Variants in CRPPA observed in about 807,000 individuals in gnomAD.
The protein encoded by CRPPA is D-ribitol-5-phosphate cytidylyltransferase.
In CRPPA, 43 loss-of-function variants were observed where a neutral mutation model predicts 52.0. That is an observed-to-expected ratio of 0.83 (90% CI 0.65 to 1.07). The LOEUF is 1.07. CRPPA is among the 50% of genes least tolerant of loss of function. The probability of loss-of-function intolerance (pLI) is 0.00; values close to 1 mark genes in which losing one functional copy is unlikely to be tolerated. For missense variants in CRPPA, 629 were observed against 551.7 expected, an observed-to-expected ratio of 1.14 and a Z score of -1.40; for synonymous variants, 250 against 203.5, an observed-to-expected ratio of 1.23 and a Z score of -1.94.
At chr7:16,334,502 G>C (rs1785630903) in intron 3 of CRPPA, among the ~76,000 whole-genome samples, 1 of 152,144 alleles carries the variant, frequency 6.6e-6, no homozygotes, top group African/African-American at 2.4e-5. Context: ...CTGAAGCATA[G>C]CCTCTGGTCC....
At chr7:16,292,002 C>T (rs922244267) in intron 5 of CRPPA, among the ~76,000 whole-genome samples, 11 of 151,804 alleles carry the variant, frequency 7.2e-5, no homozygotes, top group Non-Finnish European at 1.5e-4. Context: ...AGATGAAACA[C>T]GGTGGAAATG....
intron 9 of CRPPA, among the ~76,000 whole-genome samples, chr7:16,103,195 A>G (rs1306139997): frequency 6.6e-6 from 1 of 152,166 alleles, no homozygotes. Flanking sequence ...TCAGCAGACT[A>G]ACACAGCAAG....
At chr7:16,257,281 A>T (rs1042860719) in intron 8 of CRPPA, among the ~76,000 whole-genome samples, 1 of 152,154 alleles carries the variant, frequency 6.6e-6, no homozygotes, top group Non-Finnish European at 1.5e-5. Context: ...TGAAATTTCT[A>T]AGCAAGTAAA....
At chr7:16,350,002 G>A (rs983156201) in intron 3 of CRPPA, among the ~76,000 whole-genome samples, 6 of 151,950 alleles carry the variant, frequency 3.9e-5, no homozygotes, top group African/African-American at 1.4e-4. Context: ...AAAGCAGCAA[G>A]GGAAACCCAA....
intron 5 of CRPPA, among the ~76,000 whole-genome samples, chr7:16,300,065 C>T (rs1238264157): frequency 1.3e-5 from 2 of 152,176 alleles, no homozygotes; most frequent in African/African-American, 2.4e-5. Context: ...TTACACATTG[C>T]TTGGTTGATA....
intron 1 of CRPPA, among the ~76,000 whole-genome samples, chr7:16,417,101 C>A (rs1583593082): frequency 6.6e-6 from 1 of 152,114 alleles, no homozygotes; most frequent in African/African-American, 2.4e-5. Context: ...GATACCATCT[C>A]ACACCAGTCA....
chr7:16,395,727 A>G (rs1461989698), intron 2 of CRPPA, among the ~76,000 whole-genome samples: 2 of 152,250 alleles, frequency 1.3e-5, no homozygotes, highest in Non-Finnish European at 2.9e-5. Flanking sequence ...AAATTTCAAT[A>G]GTACCATTTA....
In CRPPA at chr7:16,090,791, A is replaced by T. The variant is rs897558528; in HGVS notation, c.*904T>A. The T allele has an allele frequency of 6.6e-6, 1 of 152,112 alleles. No homozygotes were observed. The highest frequency in any genetic ancestry group is 2.4e-5 in the African/African-American group (1 of 41,436). The allele number at this position is 152,112 out of a possible 1,614,324, so 9.4% of individuals were successfully genotyped here. A position where few individuals can be genotyped will look rare whatever the true frequency, so the allele number is the denominator to read the frequency against. ...AAAGTCACCTCTAATGAATTAAAGG[A>T]CACCCATAATTATAACATGCAAGGG... On this transcript the variant is annotated 3_prime_UTR_variant, in exon 10 of 10. Coordinates refer to ENST00000407010, the MANE Select transcript of CRPPA (RefSeq NM_001101426.4).
intron 9 of CRPPA, among the ~76,000 whole-genome samples, chr7:16,156,856 A>G (rs559739567): frequency 5.6e-4 from 85 of 152,264 alleles, no homozygotes; most frequent in Middle Eastern, 3.4e-3. Flanking sequence ...CATACATTTT[A>G]GGGGGCTCAT....
chr7:16,161,849 G>A (rs923183832), intron 9 of CRPPA, among the ~76,000 whole-genome samples: 10 of 152,076 alleles, frequency 6.6e-5, no homozygotes, highest in Non-Finnish European at 1.0e-4. Flanking sequence ...ATTAATTACT[G>A]CCTCAATTTC....
rs147195562 is a variant in CRPPA, at chr7:16,255,418, C to A, written c.1119+2972G>T. 2.0e-5 allele frequency among the ~76,000 whole-genome samples: 3 copies of A among 152,116 alleles called. No individual in the cohort carries two copies. The South Asian group carries it at 6.2e-4, about 32-fold the overall frequency. ...TCCCCATCAAGTTACCAATGACTTT[C>A]TTCACAGAATTGGAAAAAACTACTT... On this transcript the variant is annotated intron_variant, in intron 8 of 9. Transcript: ENST00000407010.
At chr7:16,201,269 A>G (rs1484701371) in intron 9 of CRPPA, among the ~76,000 whole-genome samples, 2 of 152,194 alleles carry the variant, frequency 1.3e-5, no homozygotes, top group Non-Finnish European at 2.9e-5. Context: ...GCAGGTCCCC[A>G]GTGAAACTCT....
intron 2 of CRPPA, among the ~76,000 whole-genome samples, chr7:16,379,224 G>C (rs1787002732): frequency 6.6e-6 from 1 of 152,032 alleles, no homozygotes; most frequent in Admixed American, 6.6e-5. Context: ...TTTCTTCTAG[G>C]GTTTTTATGG....
At chr7:16,221,688 T>A (rs1310577433) in intron 8 of CRPPA, among the ~76,000 whole-genome samples, 1 of 151,882 alleles carries the variant, frequency 6.6e-6, no homozygotes, top group African/African-American at 2.4e-5. Context: ...AAAAAACACA[T>A]GAAAAAATGC....
At chr7:16,211,065 T>C (rs1782121727) in intron 9 of CRPPA, among the ~76,000 whole-genome samples, 1 of 152,182 alleles carries the variant, frequency 6.6e-6, no homozygotes. Flanking sequence ...ATGATGTGAA[T>C]GGATCAAATT....
intron 2 of CRPPA, among the ~76,000 whole-genome samples, chr7:16,404,525 T>C (rs1222407357): frequency 6.6e-6 from 1 of 152,068 alleles, no homozygotes; most frequent in Non-Finnish European, 1.5e-5. Flanking sequence ...TCAGAAATAC[T>C]TTCTGCTTAT....
intron 2 of CRPPA, among the ~76,000 whole-genome samples, chr7:16,387,250 A>G (rs1191357307): frequency 6.6e-6 from 1 of 151,348 alleles, no homozygotes; most frequent in African/African-American, 2.4e-5. Context: ...TGGGTTTCTT[A>G]CATAGATATA....
At chr7:16,223,121 G>A (rs1467766016) in intron 8 of CRPPA, among the ~76,000 whole-genome samples, 1 of 151,822 alleles carries the variant, frequency 6.6e-6, no homozygotes, top group Non-Finnish European at 1.5e-5. Flanking sequence ...GCGAAATGCT[G>A]TCTCTACAAA....
At chr7:16,234,795 G>A (rs896501282) in intron 8 of CRPPA, among the ~76,000 whole-genome samples, 1 of 152,062 alleles carries the variant, frequency 6.6e-6, no homozygotes, top group African/African-American at 2.4e-5. Flanking sequence ...GAAGGGATAT[G>A]AGCACAAAGG....
Sources: allele counts gnomAD v4.1 joint callset (sites outside exome capture counted in the v4.1 genomes callset), GRCh38; gene constraint gnomAD v4.1.1; transcripts MANE v1.5; gene names NCBI Gene and HGNC (gene_info 2026-07-23, HGNC 2026-07-21).